The following PGAP2 variants were observed in gnomAD, a reference collection of about 807,000 sequenced individuals.
PGAP2 encodes post-GPI attachment to proteins 2, also known as acyltransferase PGAP2.
A neutral mutation model predicts 33.2 loss-of-function variants in PGAP2; 21 were observed. The ratio of observed to expected loss-of-function variants is 0.63; its 90% CI spans 0.45 to 0.91. The LOEUF is 0.91. PGAP2 is among the 40% of genes least tolerant of loss of function. The pLI is 0.00. For missense variants in PGAP2, 345 were observed against 424.0 expected (o/e 0.81, Z 1.64); for synonymous variants, 161 against 172.9 (o/e 0.93, Z 0.54).
At chr11:3,802,167 G>A (rs2083557528) in intron 1 of PGAP2, among the ~76,000 whole-genome samples, 1 of 149,574 alleles carries the variant, frequency 6.7e-6, no homozygotes, top group South Asian at 2.1e-4. Context: ...ACAAGTAGAT[G>A]TGCAGGGAAA....
intron 3 of PGAP2, among the ~76,000 whole-genome samples, chr11:3,820,307 A>C (rs1425391312): frequency 2.6e-5 from 4 of 152,114 alleles, no homozygotes; most frequent in Admixed American, 1.3e-4. Flanking sequence ...TTTACAGGAA[A>C]TTTTGTCTTC....
chr11:3,817,402 A>G lies in PGAP2; in HGVS notation c.215A>G (p.Asp72Gly), dbSNP rs1303786907. 6.2e-7 allele frequency: 1 copy of G among 1,614,002 alleles called. No individual in the cohort carries two copies. Among genetic ancestry groups the G allele is most frequent in the African/African-American group, 1.3e-5 (1 of 74,902 alleles). The change falls in exon 3 of 7, where the codon GAT becomes GGT. Residue 72 changes from aspartate (D) to glycine (G), a missense_variant. Physicochemically the swap from Asp to Gly is moderately conservative, Grantham distance 94 (BLOSUM62 -1). Transcript: ENST00000278243. ...GCGGCCTCCCAGCCTTTGGACCCCG[A>G]TGGGACCTTGTTCCGGCTTCGCTTC... ...FSAASQPLDP[D>G]GTLFRLRFTA...
chr11:3,825,279 C>A lies in PGAP2; in HGVS notation c.818-49C>A, dbSNP rs200776514. ...TGTGATTTATCAAGAGGCCTCTGAG[C>A]GGGTAGCTGGAAGTTCACCATGTCC... On this transcript the variant is annotated intron_variant, in intron 6 of 6. Coordinates refer to ENST00000278243, the MANE Select transcript of PGAP2 (RefSeq NM_014489.4). 6.9e-6 allele frequency: 11 copies of A among 1,597,448 alleles called. No individual in the cohort carries two copies. The South Asian group carries it at 1.0e-4, about 15-fold the overall frequency.
At chr11:3,801,107 G>A (rs545760157) in intron 1 of PGAP2, among the ~76,000 whole-genome samples, 8 of 150,750 alleles carry the variant, frequency 5.3e-5, no homozygotes, top group African/African-American at 1.7e-4. Context: ...GCACTCCAGC[G>A]TGGGCAACAA....
Position 3,813,011 on chromosome 11 carries a change from G to A in PGAP2, c.165+1587G>A, listed in dbSNP as rs1191438427. ...TGCATCAGATATTCCTGTTACGCTA[G>A]CCACTCCTGATCATCCCGCAAAACC... is the stretch of plus-strand genomic sequence containing the variant. On this transcript the variant is annotated intron_variant, in intron 2 of 6. Transcript: ENST00000278243. Among the ~76,000 whole-genome samples the A allele has an allele frequency of 2.6e-5, 4 of 152,126 alleles. 1 individual carries two copies. Among genetic ancestry groups the A allele is most frequent in the Admixed American group, 2.6e-4 (4 of 15,272 alleles).
At chr11:3,804,736 C>G (rs1440738388), upstream of PGAP2, among the ~76,000 whole-genome samples, 3 of 152,102 alleles carry the variant, frequency 2.0e-5, 1 homozygote, top group Admixed American at 2.0e-4. Flanking sequence ...GAGTCTCGCT[C>G]TCTCACCCAG....
At chr11:3,798,955 A>G (rs2083047098) in intron 1 of PGAP2, among the ~76,000 whole-genome samples, 1 of 152,156 alleles carries the variant, frequency 6.6e-6, no homozygotes, top group Non-Finnish European at 1.5e-5. Context: ...ACCCCTACTT[A>G]TTCTTAAAGG....
upstream of PGAP2, among the ~76,000 whole-genome samples, chr11:3,805,895 T>C (rs368471888): frequency 2.0e-5 from 3 of 151,560 alleles, no homozygotes; most frequent in East Asian, 2.0e-4. Context: ...CCATGTTGGC[T>C]AGGATTGTCT....
chr11:3,817,229 C>T (rs1402416885), intron 2 of PGAP2, 124 bp from the exon 3 acceptor site: 2 of 734,748 alleles, frequency 2.7e-6, no homozygotes, highest in East Asian at 2.5e-5. Context: ...TCCCCTTATG[C>T]CTTTTCTACC....
At chr11:3,822,900 T>C (rs768364978) in intron 3 of PGAP2, 21 of 1,467,378 alleles carry the variant, frequency 1.4e-5, no homozygotes, top group Non-Finnish European at 1.8e-5. Context: ...CTTCTCCTTT[T>C]TCCTTAAGGA....
chr11:3,816,853 G>A (rs1472672435), intron 2 of PGAP2, among the ~76,000 whole-genome samples: 1 of 152,166 alleles, frequency 6.6e-6, no homozygotes, highest in East Asian at 1.9e-4. Flanking sequence ...CTGAGCCAAC[G>A]GTCCTTTGTT....
chr11:3,806,101 CTAAAT>C (rs1487590008), upstream of PGAP2, among the ~76,000 whole-genome samples: 1 of 152,134 alleles, frequency 6.6e-6, no homozygotes, highest in Non-Finnish European at 1.5e-5. Context: ...AAGAATTAAT[CTAAAT>C]TAGAGCACCT....
chr11:3,814,748 T>C (rs1397927145), intron 2 of PGAP2, among the ~76,000 whole-genome samples: 3 of 112,748 alleles, frequency 2.7e-5, no homozygotes, highest in South Asian at 3.0e-4. Flanking sequence ...TCTTTCCTTC[T>C]TTTCTTTCTT....
At chr11:3,823,680 T>G (rs540975612) in intron 3 of PGAP2, 1 of 1,570,284 alleles carries the variant, frequency 6.4e-7, no homozygotes, top group East Asian at 2.3e-5. Context: ...CCAGGATAGC[T>G]GGGGAATGAG....
intron 1 of PGAP2, among the ~76,000 whole-genome samples, chr11:3,799,820 G>A (rs1461886568): frequency 6.6e-6 from 1 of 152,110 alleles, no homozygotes; most frequent in African/African-American, 2.4e-5. Flanking sequence ...AATTAACCAA[G>A]GCCAGGTGTG....
rs921957591 is a variant in PGAP2, at chr11:3,812,180, C to A, written c.165+756C>A. 3.3e-5 allele frequency among the ~76,000 whole-genome samples: 5 copies of A among 152,050 alleles called. No individual in the cohort carries two copies. The East Asian group carries it at 7.7e-4, about 24-fold the overall frequency. ...GGATATCAAAGTAAGTGGGGTGGGA[C>A]ATATGTCAAACTCTGTTATACTTGT... On this transcript the variant is annotated intron_variant, in intron 2 of 6. Coordinates refer to ENST00000278243, the MANE Select transcript of PGAP2 (RefSeq NM_014489.4).
At chr11:3,807,337 C>T (rs1318602918), upstream of PGAP2, among the ~76,000 whole-genome samples, 5 of 130,518 alleles carry the variant, frequency 3.8e-5, no homozygotes, top group African/African-American at 1.4e-4. Flanking sequence ...AATGGAGTTT[C>T]GCTCTTGTCG....
rs1477026657 is a variant in PGAP2 at position 3,825,660 on chromosome 11, AC to A, written c.*203del. On this transcript the variant is annotated 3_prime_UTR_variant, in exon 7 of 7. Transcript: ENST00000278243. The stretch of plus-strand genomic sequence containing the variant: ...CCTCATATGGGCGTGGGGTCCTCAA[AC>A]ATCACCTTTACCTGAGAGGCCCCAA... 53 of 461,624 alleles carry A rather than the reference AC, an allele frequency of 1.1e-4. No homozygotes were observed. The East Asian group carries it at 1.9e-3, about 17-fold the overall frequency. The allele number at this position is 461,624 out of a possible 1,614,324, so 28.6% of individuals were successfully genotyped here. A position where few individuals can be genotyped will look rare whatever the true frequency, so the allele number is the denominator to read the frequency against.
chr11:3,816,625 GGAGGAGATGT>G (rs918293103), intron 2 of PGAP2, among the ~76,000 whole-genome samples: 2 of 152,178 alleles, frequency 1.3e-5, no homozygotes, highest in Admixed American at 6.5e-5. Context: ...CCTCAGAGAG[GGAGGAGATGT>G]AGGTCTGGGC....
Sources: gnomAD v4.1 joint callset for allele counts (sites outside exome capture counted in the v4.1 genomes callset) on GRCh38, gnomAD v4.1.1 for gene constraint, MANE v1.5 for transcripts, NCBI Gene and HGNC (gene_info 2026-07-23, HGNC 2026-07-21) for gene names.